The following MAF variants were observed in gnomAD, a reference collection of about 807,000 sequenced individuals.
MAF encodes MAF bZIP transcription factor, also known as transcription factor Maf.
Under a neutral mutation model 22.0 loss-of-function variants are expected in MAF, and 10 were observed. The ratio of observed to expected loss-of-function variants is 0.45; its 90% CI spans 0.28 to 0.77. The LOEUF (loss-of-function observed/expected upper bound fraction) is 0.77. MAF is among the 30% of genes least tolerant of loss of function. The pLI is 0.12. For missense variants in MAF, 544 were observed against 548.4 expected, an observed-to-expected ratio of 0.99 and a Z score of 0.08; for synonymous variants, 337 against 255.8, an observed-to-expected ratio of 1.32 and a Z score of -3.03.
At chr16:79,451,216 G>C in the MAF span, among the ~76,000 whole-genome samples, 1 of 152,220 alleles carries the variant, frequency 6.6e-6, no homozygotes, top group Non-Finnish European at 1.5e-5. Flanking sequence ...GTCTATGCTA[G>C]GCATTGTGCT....
At chr16:79,467,980 T>C in the MAF span, among the ~76,000 whole-genome samples, 10,769 of 151,976 alleles carry the variant, frequency 0.071, 512 homozygotes, top group Non-Finnish European at 0.11. Flanking sequence ...AATCTCCAAA[T>C]TGCAAAAACA....
rs1363689953 is a variant in MAF at position 79,599,567 on chromosome 16, G to A, written c.336C>T (p.Asp112=). Residue 112 remains aspartate (D), a synonymous_variant, in exon 1 of 2, where the codon GAC becomes GAT. Coordinates refer to ENST00000326043, the MANE Select transcript of MAF (RefSeq NM_005360.5). The part of the protein sequence containing the change: ...NPEALGFSPE[D]AVEALISNSH... ...TGTTGCTGATGAGCGCCTCGACCGC[G>A]TCCTCGGGGCTGAAGCCCAGCGCCT... 7 of 1,595,940 alleles carry A rather than the reference G, an allele frequency of 4.4e-6. No individual in the cohort carries two copies. The African/African-American group carries it at 8.0e-5, about 18-fold the overall frequency.
chr16:79,497,342 G>C, the MAF span, among the ~76,000 whole-genome samples: 1 of 152,168 alleles, frequency 6.6e-6, no homozygotes, highest in South Asian at 2.1e-4. Flanking sequence ...GGATGGATCA[G>C]ATGCTGCCAT....
chr16:79,337,824 C>A, the MAF span, among the ~76,000 whole-genome samples: 1 of 152,216 alleles, frequency 6.6e-6, no homozygotes, highest in Non-Finnish European at 1.5e-5. Context: ...TATGCACACA[C>A]AAGGCTACTA....
At chr16:79,440,977 T>C in the MAF span, among the ~76,000 whole-genome samples, 1 of 152,200 alleles carries the variant, frequency 6.6e-6, no homozygotes, top group African/African-American at 2.4e-5. Context: ...TATTATGCGG[T>C]GATGTGGAGT....
chr16:79,315,046 T>C, the MAF span, among the ~76,000 whole-genome samples: 1 of 152,244 alleles, frequency 6.6e-6, no homozygotes, highest in Non-Finnish European at 1.5e-5. Context: ...TGGCTGGACC[T>C]TTTGTCTGCT....
chr16:79,263,109 C>T, the MAF span, among the ~76,000 whole-genome samples: 25,458 of 152,104 alleles, frequency 0.17, 2,367 homozygotes, highest in African/African-American at 0.2. Context: ...AAGTTTTTAC[C>T]GCTTGCCAGG....
At chr16:79,485,745 C>T in the MAF span, among the ~76,000 whole-genome samples, 1 of 152,176 alleles carries the variant, frequency 6.6e-6, no homozygotes, top group African/African-American at 2.4e-5. Flanking sequence ...CCTGAATCTT[C>T]CTTCTGTCCA....
At chr16:79,374,343 A>T in the MAF span, among the ~76,000 whole-genome samples, 2 of 151,964 alleles carry the variant, frequency 1.3e-5, no homozygotes, top group African/African-American at 4.8e-5. Context: ...TCTGCATCCA[A>T]CTGGTCAATG....
At chr16:79,387,781 T>G in the MAF span, among the ~76,000 whole-genome samples, 6 of 152,156 alleles carry the variant, frequency 3.9e-5, no homozygotes, top group African/African-American at 1.4e-4. Flanking sequence ...GCAACCTAAA[T>G]AACACCATAT....
the MAF span, among the ~76,000 whole-genome samples, chr16:79,414,785 C>T: frequency 6.6e-6 from 1 of 152,200 alleles, no homozygotes; most frequent in African/African-American, 2.4e-5. Flanking sequence ...TCTGTAATAA[C>T]AAACAACTTC....
chr16:79,336,491 C>G, the MAF span, among the ~76,000 whole-genome samples: 8 of 152,168 alleles, frequency 5.3e-5, no homozygotes, highest in Non-Finnish European at 1.0e-4. Flanking sequence ...GTCAGAAATC[C>G]TAAATAAAAT....
At chr16:79,467,456 G>T in the MAF span, among the ~76,000 whole-genome samples, 4 of 152,156 alleles carry the variant, frequency 2.6e-5, no homozygotes, top group South Asian at 4.1e-4. Flanking sequence ...CTCCCTTATT[G>T]CAGGCAGTGA....
chr16:79,350,670 G>C, the MAF span, among the ~76,000 whole-genome samples: 1 of 152,160 alleles, frequency 6.6e-6, no homozygotes, highest in Non-Finnish European at 1.5e-5. Flanking sequence ...CCCAGTAGAG[G>C]GCAGAGCCAC....
At chr16:79,342,654 CCATCAT>C in the MAF span, among the ~76,000 whole-genome samples, 1 of 152,118 alleles carries the variant, frequency 6.6e-6, no homozygotes, top group East Asian at 1.9e-4. Context: ...GTCACCATCA[CCATCAT>C]CATAACAAAA....
At chr16:79,499,616 G>C in the MAF span, among the ~76,000 whole-genome samples, 1 of 152,174 alleles carries the variant, frequency 6.6e-6, no homozygotes, top group Admixed American at 6.5e-5. Flanking sequence ...GCCCCAAAGA[G>C]CTGCCTTGTC....
the MAF span, among the ~76,000 whole-genome samples, chr16:79,461,738 C>A: frequency 6.6e-6 from 1 of 152,100 alleles, no homozygotes; most frequent in African/African-American, 2.4e-5. Context: ...GGAGAGAGAC[C>A]ACATGTGCCC....
chr16:79,425,919 A>C, the MAF span, among the ~76,000 whole-genome samples: 1 of 152,232 alleles, frequency 6.6e-6, no homozygotes, highest in African/African-American at 2.4e-5. Context: ...TTCAGATTCT[A>C]AGTTGGACCA....
chr16:79,553,864 G>A, the MAF span, among the ~76,000 whole-genome samples: 2 of 152,118 alleles, frequency 1.3e-5, no homozygotes, highest in Admixed American at 1.3e-4. Flanking sequence ...CGAGGCGGGT[G>A]GATCATTTGA....
Sources: allele counts gnomAD v4.1 joint callset (sites outside exome capture counted in the v4.1 genomes callset), GRCh38; gene constraint gnomAD v4.1.1; transcripts MANE v1.5; gene names NCBI Gene and HGNC (gene_info 2026-07-23, HGNC 2026-07-21).